Variants in KIRREL3 observed in about 807,000 individuals in gnomAD.
KIRREL3 encodes the protein kin of IRRE-like protein 3.
In KIRREL3, 36 loss-of-function variants were observed where a neutral mutation model predicts 89.7. That is an observed-to-expected ratio of 0.40 (90% CI 0.31 to 0.53). The LOEUF is 0.53. KIRREL3 is among the 20% of genes least tolerant of loss of function. The pLI is 0.49. For missense variants in KIRREL3, 864 were observed against 1,056.6 expected (o/e 0.82, Z 2.53); for synonymous variants, 445 against 441.4 (o/e 1.01, Z -0.10).
At chr11:126,466,130 C>T (rs1956717144) in intron 5 of KIRREL3, among the ~76,000 whole-genome samples, 1 of 152,200 alleles carries the variant, frequency 6.6e-6, no homozygotes, top group Non-Finnish European at 1.5e-5. Flanking sequence ...CCCCCTCCTC[C>T]CTGCACCCAG....
At chr11:126,847,229 A>G (rs372703309) in intron 1 of KIRREL3, among the ~76,000 whole-genome samples, 1 of 152,166 alleles carries the variant, frequency 6.6e-6, no homozygotes, top group African/African-American at 2.4e-5. Context: ...CTGTATTTGT[A>G]TAAATATCTT....
chr11:126,443,357 T>G lies in KIRREL3; in HGVS notation c.1252+1622A>C, dbSNP rs906269014. Among the ~76,000 whole-genome samples, 1 of 152,152 alleles carries G rather than the reference T, an allele frequency of 6.6e-6. No homozygotes were observed. Among genetic ancestry groups the G allele is most frequent in the Non-Finnish European group, 1.5e-5 (1 of 68,028 alleles). On this transcript the variant is annotated intron_variant, in intron 10 of 16. Coordinates refer to ENST00000525144, the MANE Select transcript of KIRREL3 (RefSeq NM_032531.4). This position sits in a 1 kb window ranked among gnomAD's most constrained non-coding sequence, Gnocchi z 7.3. ...AGCTCTGAGCCGAGTGTCAGACACC[T>G]GCGCTGAAAGGAAAAGGCTGCAGCC...
intron 1 of KIRREL3, among the ~76,000 whole-genome samples, chr11:126,998,735 A>C (rs1329810466): frequency 6.6e-6 from 1 of 152,208 alleles, no homozygotes; most frequent in Non-Finnish European, 1.5e-5. Context: ...TCTTATGCCA[A>C]TCTACATAAG....
At chr11:126,716,872 T>G (rs551292516) in intron 1 of KIRREL3, among the ~76,000 whole-genome samples, 1 of 152,146 alleles carries the variant, frequency 6.6e-6, no homozygotes, top group South Asian at 2.1e-4. Context: ...TTTTGTTTCC[T>G]TTCCCCTGCT....
rs1943171248 is a variant in KIRREL3 at position 126,612,428 on chromosome 11, A to G, written c.56-49516T>C. 6.6e-6 allele frequency among the ~76,000 whole-genome samples: 1 copy of G among 152,182 alleles called. No homozygotes were observed. The highest frequency in any genetic ancestry group is 1.5e-5 in the Non-Finnish European group (1 of 68,020). On this transcript the variant is annotated intron_variant, in intron 1 of 16. Coordinates refer to ENST00000525144, the MANE Select transcript of KIRREL3 (RefSeq NM_032531.4). The surrounding 1 kb of genome is among the most constrained non-coding windows in gnomAD (Gnocchi z 4.5). ...CATACTTGTGTTCTCTATGCATCCT[A>G]TCACCTGGCTCTGCTACTAACTGTC...
rs1942299920 is a variant in KIRREL3, at chr11:126,594,575, G to A, written c.56-31663C>T. ...TAGCATGGGGCCTTCAACTGCTGGA[G>A]GGTCTGGGCGGTCATTTATCCTTGC... is the stretch of plus-strand genomic sequence containing the variant. On this transcript the variant is annotated intron_variant, in intron 1 of 16. Coordinates refer to ENST00000525144, the MANE Select transcript of KIRREL3 (RefSeq NM_032531.4). The surrounding 1 kb of genome is among the most constrained non-coding windows in gnomAD (Gnocchi z 5.0). 6.6e-6 allele frequency among the ~76,000 whole-genome samples: 1 copy of A among 152,144 alleles called. No individual in the cohort carries two copies. The highest frequency in any genetic ancestry group is 1.5e-5 in the Non-Finnish European group (1 of 68,036).
At chr11:126,503,591 G>C (rs1957931390) in intron 4 of KIRREL3, among the ~76,000 whole-genome samples, 1 of 152,190 alleles carries the variant, frequency 6.6e-6, no homozygotes, top group South Asian at 2.1e-4. Flanking sequence ...GAGGTGGTTT[G>C]CTGTGGACTG....
At position 126,908,635 on chromosome 11, in the gene KIRREL3, A is replaced by T. The variant is rs887639257; in HGVS notation, c.55+91820T>A. On this transcript the variant is annotated intron_variant, in intron 1 of 16. Transcript: ENST00000525144. The surrounding 1 kb of genome is among the most constrained non-coding windows in gnomAD (Gnocchi z 4.2). ...AACTGAAAGTCACAAAAGGTAAGTG[A>T]TTTGCTCAAAATCACAAATTCATTC... 6.6e-6 allele frequency among the ~76,000 whole-genome samples: 1 copy of T among 152,206 alleles called. No individual in the cohort carries two copies. Among genetic ancestry groups the T allele is most frequent in the Non-Finnish European group, 1.5e-5 (1 of 68,042 alleles).
intron 1 of KIRREL3, among the ~76,000 whole-genome samples, chr11:126,765,152 C>T (rs956256232): frequency 4.6e-5 from 7 of 152,074 alleles, no homozygotes; most frequent in Admixed American, 4.6e-4. Flanking sequence ...ACTGAGAAGC[C>T]CCTGATGGTC....
At position 126,606,135 on chromosome 11, in the gene KIRREL3, G is replaced by A. The variant is rs1307089764; in HGVS notation, c.56-43223C>T. ...ATATTTGCTTCATAGAGCCTGTTTC[G>A]AGCATTCCAGCATAAGCCATGGGAA... is the stretch of plus-strand genomic sequence containing the variant. On this transcript the variant is annotated intron_variant, in intron 1 of 16. Transcript: ENST00000525144. The surrounding 1 kb of genome is among the most constrained non-coding windows in gnomAD (Gnocchi z 4.6). Among the ~76,000 whole-genome samples the A allele has an allele frequency of 6.6e-6, 1 of 152,094 alleles. No individual in the cohort carries two copies. Among genetic ancestry groups the A allele is most frequent in the Non-Finnish European group, 1.5e-5 (1 of 68,026 alleles).
Position 126,815,557 on chromosome 11 carries a change from G to A in KIRREL3, c.55+184898C>T, listed in dbSNP as rs774942763. ...TTTTATTTATTTATTTTTTTGAGGC[G>A]GAGTCTCCCTCTGTCGCCCAGGCTG... On this transcript the variant is annotated intron_variant, in intron 1 of 16. Transcript: ENST00000525144. Among the ~76,000 whole-genome samples, 32 of 151,962 alleles carry A rather than the reference G, an allele frequency of 2.1e-4. 1 individual carries two copies. The highest frequency in any genetic ancestry group is 3.3e-4 in the Admixed American group (5 of 15,250).
chr11:126,960,484 G>A (rs1453812296), intron 1 of KIRREL3, among the ~76,000 whole-genome samples: 3 of 152,180 alleles, frequency 2.0e-5, no homozygotes, highest in Admixed American at 2.0e-4. Context: ...GACAAGCACA[G>A]AGCAAAACTC....
At chr11:126,923,324 T>TCC (rs1947541054) in intron 1 of KIRREL3, among the ~76,000 whole-genome samples, 1 of 144,058 alleles carries the variant, frequency 6.9e-6, no homozygotes, top group African/African-American at 2.6e-5. Context: ...TTCTTCCTTC[T>TCC]TCTTCTTCCT....
chr11:126,671,089 C>G (rs1184434438), intron 1 of KIRREL3, among the ~76,000 whole-genome samples: 2 of 152,138 alleles, frequency 1.3e-5, no homozygotes, highest in Non-Finnish European at 2.9e-5. Flanking sequence ...ATATTAGAAA[C>G]AGAGACTAGA....
Position 126,579,959 on chromosome 11 carries a change from C to A in KIRREL3, c.56-17047G>T, listed in dbSNP as rs542064539. ...CTCCTGGATTCACGCCATTCTCCTGCCTCAGCCTCCCGAGTAGCTGGGACT... is the reference window on the plus strand; with the variant it reads ...CTCCTGGATTCACGCCATTCTCCTGACTCAGCCTCCCGAGTAGCTGGGACT... On this transcript the variant is annotated intron_variant, in intron 1 of 16. Coordinates refer to ENST00000525144, the MANE Select transcript of KIRREL3 (RefSeq NM_032531.4). The surrounding 1 kb of genome is among the most constrained non-coding windows in gnomAD (Gnocchi z 5.3). 4.6e-5 allele frequency among the ~76,000 whole-genome samples: 7 copies of A among 152,050 alleles called. No individual in the cohort carries two copies. The highest frequency in any genetic ancestry group is 8.8e-5 in the Non-Finnish European group (6 of 68,020).
At chr11:126,806,783 G>T (rs937956012) in intron 1 of KIRREL3, among the ~76,000 whole-genome samples, 1 of 152,090 alleles carries the variant, frequency 6.6e-6, no homozygotes, top group African/African-American at 2.4e-5. Context: ...CATCATCTAG[G>T]TTTTAAGCCC....
rs991542387 is a variant in KIRREL3 at position 126,752,212 on chromosome 11, G to C, written c.56-189300C>G. On this transcript the variant is annotated intron_variant, in intron 1 of 16. Coordinates refer to ENST00000525144, the MANE Select transcript of KIRREL3 (RefSeq NM_032531.4). This position sits in a 1 kb window ranked among gnomAD's most constrained non-coding sequence, Gnocchi z 4.8. ...CAGGCTCAGCGTGGGTTGGTTGGGG[G>C]GGTTTCTTGAAGCATTGTAGCTCCC... is the stretch of plus-strand genomic sequence containing the variant. Among the ~76,000 whole-genome samples the C allele has an allele frequency of 1.1e-3, 163 of 152,230 alleles. No individual in the cohort carries two copies. The highest frequency in any genetic ancestry group is 6.8e-3 in the Middle Eastern group (2 of 294).
At position 126,522,224 on chromosome 11, in the gene KIRREL3, GGAGA is replaced by G. The variant is rs766356547; in HGVS notation, c.284-764_284-761del. Among the ~76,000 whole-genome samples the G allele has an allele frequency of 1.3e-5, 2 of 152,002 alleles. No homozygotes were observed. Among genetic ancestry groups the G allele is most frequent in the African/African-American group, 4.8e-5 (2 of 41,462 alleles). On this transcript the variant is annotated intron_variant, in intron 3 of 16. Transcript: ENST00000525144. This position sits in a 1 kb window ranked among gnomAD's most constrained non-coding sequence, Gnocchi z 6.0. ...GACATGCATTTTGATAAGATAGAGA[GGAGA>G]GAGAGAGAGACAGACAGACAGAGAG...
chr11:126,950,630 A>G (rs1034481647), intron 1 of KIRREL3, among the ~76,000 whole-genome samples: 2 of 152,206 alleles, frequency 1.3e-5, no homozygotes, highest in Non-Finnish European at 2.9e-5. Context: ...TTCTCCATGT[A>G]GAAAGTTACA....
Sources: allele counts gnomAD v4.1 joint callset (sites outside exome capture counted in the v4.1 genomes callset), GRCh38; gene constraint gnomAD v4.1.1; non-coding constraint Gnocchi (gnomAD v3.1); transcripts MANE v1.5; gene names NCBI Gene and HGNC (gene_info 2026-07-23, HGNC 2026-07-21).